Variants in GPC6 observed in about 807,000 individuals in gnomAD.
GPC6 encodes the protein glypican-6.
In GPC6, 14 loss-of-function variants were observed where a neutral mutation model predicts 55.2. That is an observed-to-expected ratio of 0.25 (90% CI 0.17 to 0.40). The LOEUF (loss-of-function observed/expected upper bound fraction) is 0.40, where lower values mean the gene tolerates loss of function less well. Ranked by LOEUF, GPC6 falls within the 10% of genes least tolerant of loss-of-function variation. The pLI, the probability that GPC6 is intolerant of heterozygous loss-of-function variation, is 1.00. For synonymous variants in GPC6, 278 were observed against 259.6 expected (o/e 1.07, Z -0.68); for missense variants, 641 against 708.5 (o/e 0.90, Z 1.08).
chr13:94,218,173 G>C (rs1055730311), intron 4 of GPC6, among the ~76,000 whole-genome samples: 6 of 152,130 alleles, frequency 3.9e-5, no homozygotes, highest in African/African-American at 1.4e-4. Flanking sequence ...GAAATTGCTT[G>C]ATAAGATCAA....
intron 1 of GPC6, among the ~76,000 whole-genome samples, chr13:93,228,323 C>T (rs1566531834): frequency 6.6e-6 from 1 of 152,216 alleles, no homozygotes; most frequent in Non-Finnish European, 1.5e-5. Context: ...GTTGGCCACT[C>T]AGGGCCCGGG....
intron 3 of GPC6, among the ~76,000 whole-genome samples, chr13:93,953,029 T>G (rs1412100932): frequency 6.6e-6 from 1 of 151,948 alleles, no homozygotes; most frequent in African/African-American, 2.4e-5. Flanking sequence ...TTAAGCTGCT[T>G]CTTGCTCCCC....
At chr13:93,955,110 T>A (rs1594618015) in intron 3 of GPC6, among the ~76,000 whole-genome samples, 5 of 152,062 alleles carry the variant, frequency 3.3e-5, no homozygotes. Context: ...TGGTGGCAGG[T>A]CACACTTCTT....
chr13:93,872,473 A>C (rs1035567838), intron 3 of GPC6, among the ~76,000 whole-genome samples: 9 of 152,000 alleles, frequency 5.9e-5, no homozygotes, highest in Admixed American at 4.6e-4. Context: ...TGGAAGTCAA[A>C]AGTCCAAAAT....
chr13:93,961,241 G>T (rs556189330), intron 3 of GPC6, among the ~76,000 whole-genome samples: 9 of 152,240 alleles, frequency 5.9e-5, no homozygotes, highest in Middle Eastern at 3.4e-3. Context: ...TCTGAAATGA[G>T]AACCTATAAA....
intron 6 of GPC6, among the ~76,000 whole-genome samples, chr13:94,323,684 A>T (rs1876963290): frequency 6.6e-6 from 1 of 152,242 alleles, no homozygotes; most frequent in Non-Finnish European, 1.5e-5. Context: ...CCCAGATTTC[A>T]TCACTATGCA....
chr13:94,059,823 T>A (rs1884259321), intron 4 of GPC6, among the ~76,000 whole-genome samples: 1 of 151,916 alleles, frequency 6.6e-6, no homozygotes, highest in Non-Finnish European at 1.5e-5. Flanking sequence ...TCCTCCTTCA[T>A]GACCTAATCC....
intron 1 of GPC6, among the ~76,000 whole-genome samples, chr13:93,342,710 C>T (rs1396855248): frequency 2.6e-5 from 4 of 152,020 alleles, no homozygotes; most frequent in Admixed American, 6.5e-5. Context: ...ATTTGAGATA[C>T]GTGTTGGCAT....
At chr13:93,328,887 G>A (rs575573441) in intron 1 of GPC6, among the ~76,000 whole-genome samples, 1 of 152,150 alleles carries the variant, frequency 6.6e-6, no homozygotes, top group African/African-American at 2.4e-5. Flanking sequence ...TACCTCTACA[G>A]TTTCTGTTGA....
rs114446571 is a variant in GPC6 at position 93,936,071 on chromosome 13, A to G, written c.712-91658A>G. ...CAGTAAAATACCTAATGTAATATAC[A>G]TGATATCACTCACCACTATACATAA... On this transcript the variant is annotated intron_variant, in intron 3 of 8. Transcript: ENST00000377047. 4.8e-3 allele frequency among the ~76,000 whole-genome samples: 725 copies of G among 152,364 alleles called. 7 individuals carry two copies. The highest frequency in any genetic ancestry group is 0.017 in the African/African-American group (692 of 41,578).
intron 7 of GPC6, among the ~76,000 whole-genome samples, chr13:94,391,952 A>G (rs1316945628): frequency 6.6e-6 from 1 of 152,220 alleles, no homozygotes; most frequent in South Asian, 2.1e-4. Context: ...AGGTTCATCT[A>G]TGTGGTATCA....
chr13:93,479,940 C>T (rs1879452399), intron 1 of GPC6, among the ~76,000 whole-genome samples: 1 of 152,106 alleles, frequency 6.6e-6, no homozygotes, highest in African/African-American at 2.4e-5. Context: ...ATAAATGAGA[C>T]ATGCATATAG....
chr13:93,454,387 T>C (rs1183773988), intron 1 of GPC6, among the ~76,000 whole-genome samples: 1 of 128,114 alleles, frequency 7.8e-6, no homozygotes, highest in African/African-American at 2.7e-5. Flanking sequence ...AACCCTGAGC[T>C]AGACACAGGG....
chr13:93,943,683 T>G (rs1328547994), intron 3 of GPC6, among the ~76,000 whole-genome samples: 2 of 152,170 alleles, frequency 1.3e-5, no homozygotes, highest in African/African-American at 4.8e-5. Flanking sequence ...AAAGCCTTTT[T>G]AAAATTTCTT....
chr13:93,236,345 T>C (rs1049256054), intron 1 of GPC6, among the ~76,000 whole-genome samples: 11 of 152,254 alleles, frequency 7.2e-5, no homozygotes, highest in East Asian at 3.9e-4. Flanking sequence ...ATAGTGTTCA[T>C]TGAACCCAAG....
intron 1 of GPC6, among the ~76,000 whole-genome samples, chr13:93,447,345 G>C (rs1343320479): frequency 6.6e-6 from 1 of 152,152 alleles, no homozygotes; most frequent in Admixed American, 6.6e-5. Context: ...ATGTTTAGGA[G>C]AGATTATGTT....
At chr13:93,528,717 AT>A (rs1881748891) in intron 1 of GPC6, among the ~76,000 whole-genome samples, 1 of 152,132 alleles carries the variant, frequency 6.6e-6, no homozygotes, top group South Asian at 2.1e-4. Flanking sequence ...TATAAATACT[AT>A]TTACATTTCC....
chr13:93,457,538 TTC>T (rs1878501491), intron 1 of GPC6, among the ~76,000 whole-genome samples: 1 of 152,208 alleles, frequency 6.6e-6, no homozygotes, highest in Non-Finnish European at 1.5e-5. Flanking sequence ...TTGGTACTTC[TTC>T]TATCATCCTG....
chr13:93,490,456 A>ATTTTTTT (rs1286254980), intron 1 of GPC6, among the ~76,000 whole-genome samples: 2 of 7,440 alleles, frequency 2.7e-4, no homozygotes, highest in African/African-American at 3.9e-4. Context: ...CACTATTATT[A>ATTTTTTT]TTTCTTTTTT....
Sources: gnomAD v4.1 joint callset for allele counts (sites outside exome capture counted in the v4.1 genomes callset) on GRCh38, gnomAD v4.1.1 for gene constraint, MANE v1.5 for transcripts, NCBI Gene and HGNC (gene_info 2026-07-23, HGNC 2026-07-21) for gene names.